BRAF: variants seen among roughly 807,000 people sequenced by gnomAD.
The protein encoded by BRAF is serine/threonine-protein kinase B-raf.
BRAF carries 16 observed loss-of-function variants against 104.6 expected under a neutral mutation model. The ratio of observed to expected loss-of-function variants is 0.15; its 90% CI spans 0.10 to 0.23. The LOEUF is 0.23. Among genes scored for constraint, BRAF ranks in the 10% least tolerant of loss-of-function variants. BRAF has a pLI of 1.00. For missense variants in BRAF, 541 were observed against 937.3 expected, an observed-to-expected ratio of 0.58 and a Z score of 5.52; for synonymous variants, 310 against 341.6, an observed-to-expected ratio of 0.91 and a Z score of 1.02.
At chr7:140,810,830 G>C (rs905918936) in intron 3 of BRAF, among the ~76,000 whole-genome samples, 2 of 152,212 alleles carry the variant, frequency 1.3e-5, no homozygotes, top group African/African-American at 4.8e-5. Context: ...CTCCAACTGA[G>C]GTTGAACAGT....
At chr7:140,754,084 T>A in intron 15 of BRAF, 103 bp downstream of exon 14, 1 of 1,196,174 alleles carries the variant, frequency 8.4e-7, no homozygotes, top group South Asian at 1.2e-5. Context: ...TTACAGTATA[T>A]CGAACTTAGC....
chr7:140,725,983 T>C lies in BRAF; in HGVS notation c.*511A>G. On this transcript the variant is annotated 3_prime_UTR_variant, in exon 20 of 20. Coordinates refer to ENST00000644969, the MANE Select transcript of BRAF (RefSeq NM_001374258.1). ...ACCACATAGAAAGGGCAAGCTGCATTTTTGTTCCATCCCTCAGAAACTAAC... is the reference window on the plus strand; with the variant it reads ...ACCACATAGAAAGGGCAAGCTGCATCTTTGTTCCATCCCTCAGAAACTAAC... 1 of 1,067,112 alleles carries C rather than the reference T, an allele frequency of 9.4e-7. No individual in the cohort carries two copies. The highest frequency in any genetic ancestry group is 1.1e-6 in the Non-Finnish European group (1 of 880,710). The allele number at this position is 1,067,112 out of a possible 1,614,324, so 66.1% of individuals were successfully genotyped here. A position where few individuals can be genotyped will look rare whatever the true frequency, so the allele number is the denominator to read the frequency against.
At chr7:140,853,679 T>C (rs2129076455) in intron 1 of BRAF, among the ~76,000 whole-genome samples, 1 of 152,330 alleles carries the variant, frequency 6.6e-6, no homozygotes, top group South Asian at 2.1e-4. Flanking sequence ...TGTCACCTTA[T>C]CAATGAAGCA....
At chr7:140,773,632 A>T (rs1486835253) in intron 14 of BRAF, among the ~76,000 whole-genome samples, 1 of 152,150 alleles carries the variant, frequency 6.6e-6, no homozygotes, top group African/African-American at 2.4e-5. Flanking sequence ...TAGGATAGGG[A>T]TGGAGCAGTT....
rs966643419 is a variant in BRAF, at chr7:140,724,796, G to C, written c.*1698C>G. Reference sequence around the variant, plus strand: ...GGCTATAGCTTGGTTGGTCTGATTTGATTTGTGTTCCTAAATTCTGAGTCT... The same window carrying C: ...GGCTATAGCTTGGTTGGTCTGATTTCATTTGTGTTCCTAAATTCTGAGTCT... On this transcript the variant is annotated 3_prime_UTR_variant, in exon 20 of 20. Coordinates refer to ENST00000644969, the MANE Select transcript of BRAF (RefSeq NM_001374258.1). The C allele has an allele frequency of 5.8e-6, 6 of 1,035,954 alleles. No individual in the cohort carries two copies. The highest frequency in any genetic ancestry group is 4.6e-6 in the Non-Finnish European group (4 of 860,670). The allele number at this position is 1,035,954 out of a possible 1,614,324, so 64.2% of individuals were successfully genotyped here.
intron 1 of BRAF, among the ~76,000 whole-genome samples, chr7:140,894,851 C>G (rs1317067589): frequency 6.6e-6 from 1 of 152,250 alleles, no homozygotes. Flanking sequence ...ACATCCACAT[C>G]TAAAACTCAC....
chr7:140,723,556 T>A lies in BRAF; in HGVS notation c.*2938A>T, dbSNP rs1357204828. 3 of 1,048,748 alleles carry A rather than the reference T, an allele frequency of 2.9e-6. No individual in the cohort carries two copies. The African/African-American group carries it at 5.0e-5, about 17-fold the overall frequency. 65.0% of individuals were successfully genotyped at this position (1,048,748 alleles called of 1,614,324 possible). A position where few individuals can be genotyped will look rare whatever the true frequency, so the allele number is the denominator to read the frequency against. On this transcript the variant is annotated 3_prime_UTR_variant, in exon 20 of 20. Transcript: ENST00000644969. The stretch of plus-strand genomic sequence containing the variant: ...CTGAATTTTCTATTCACAAATCCCT[T>A]TTATAAACTATTTTTTTGGTCAATA...
chr7:140,814,876 A>T (rs1463501766), intron 3 of BRAF, among the ~76,000 whole-genome samples: 2 of 148,174 alleles, frequency 1.3e-5, no homozygotes, highest in African/African-American at 2.5e-5. Flanking sequence ...TTAAAAAAAC[A>T]GTTGTTCTAA....
chr7:140,852,673 T>G (rs374103980), intron 1 of BRAF, among the ~76,000 whole-genome samples: 72 of 152,306 alleles, frequency 4.7e-4, no homozygotes, highest in African/African-American at 1.6e-3. Context: ...TATCTTTATA[T>G]GCCAACTATG....
chr7:140,881,177 T>C (rs1223585773), intron 1 of BRAF, among the ~76,000 whole-genome samples: 1 of 152,178 alleles, frequency 6.6e-6, no homozygotes, highest in Non-Finnish European at 1.5e-5. Flanking sequence ...CATTGTTCCA[T>C]TTACAGAGCA....
At chr7:140,760,411 T>G (rs1205122760) in intron 14 of BRAF, among the ~76,000 whole-genome samples, 1 of 140,178 alleles carries the variant, frequency 7.1e-6, no homozygotes, top group Non-Finnish European at 1.5e-5. Flanking sequence ...AGACTCTTCC[T>G]TGAGAGAGAG....
intron 1 of BRAF, among the ~76,000 whole-genome samples, chr7:140,902,041 A>G (rs1008842253): frequency 1.3e-5 from 2 of 152,226 alleles, no homozygotes; most frequent in African/African-American, 4.8e-5. Context: ...GGCATGCTTC[A>G]TCATATTGTG....
At chr7:140,734,400 C>T in intron 19 of BRAF, 2 of 1,456,232 alleles carry the variant, frequency 1.4e-6, no homozygotes, top group South Asian at 2.8e-5. Context: ...TATTTTAACC[C>T]TTGGATGTTA....
At chr7:140,856,075 CTTAAA>C (rs1394205746) in intron 1 of BRAF, among the ~76,000 whole-genome samples, 4 of 149,730 alleles carry the variant, frequency 2.7e-5, no homozygotes, top group Admixed American at 6.7e-5. Context: ...GCATCAAACT[CTTAAA>C]TTAATATATA....
chr7:140,800,418 T>C lies in BRAF; in HGVS notation c.924A>G (p.Ala308=). ...HPIPQEEASL[A]ETALTSGSSP... ...ATGATCCAGATGTTAGGGCAGTCTCTGCTAAGGACGCCTCTTCCTGTGGTA... is the reference window on the plus strand; with the variant it reads ...ATGATCCAGATGTTAGGGCAGTCTCCGCTAAGGACGCCTCTTCCTGTGGTA... The change falls in exon 7 of 20, where the codon GCA becomes GCG. Residue 308 remains alanine (A), a synonymous_variant. Coordinates refer to ENST00000644969, the MANE Select transcript of BRAF (RefSeq NM_001374258.1). 6.2e-7 allele frequency: 1 copy of C among 1,614,168 alleles called. No homozygotes were observed. The highest frequency in any genetic ancestry group is 8.5e-7 in the Non-Finnish European group (1 of 1,180,024).
At chr7:140,731,465 A>G (rs1322203654) in intron 19 of BRAF, 1 of 152,248 alleles carries the variant, frequency 6.6e-6, no homozygotes, top group East Asian at 1.9e-4. Context: ...AAATAAGACT[A>G]TAACTGATAA....
intron 19 of BRAF, chr7:140,734,502 A>G (rs1451040784): frequency 3.7e-6 from 6 of 1,603,808 alleles, no homozygotes; most frequent in South Asian, 3.3e-5. Flanking sequence ...CTTAAAAAAA[A>G]AGAGAGTATT....
At chr7:140,757,765 C>T (rs570500213) in intron 14 of BRAF, among the ~76,000 whole-genome samples, 29 of 152,204 alleles carry the variant, frequency 1.9e-4, no homozygotes, top group South Asian at 1.7e-3. Context: ...TTTTAAAGAT[C>T]GGCATGCTAA....
intron 18 of BRAF, among the ~76,000 whole-genome samples, chr7:140,738,214 C>T (rs900665559): frequency 6.6e-6 from 1 of 152,118 alleles, no homozygotes; most frequent in African/African-American, 2.4e-5. Context: ...TTATATCTAC[C>T]CAGCCAACCA....
Sources: gnomAD v4.1 joint callset for allele counts (sites outside exome capture counted in the v4.1 genomes callset) on GRCh38, gnomAD v4.1.1 for gene constraint, MANE v1.5 for transcripts, NCBI Gene and HGNC (gene_info 2026-07-23, HGNC 2026-07-21) for gene names.